Variants in INTS7 observed in about 807,000 individuals in gnomAD.
INTS7 encodes integrator complex subunit 7.
Under a neutral mutation model 109.2 loss-of-function variants are expected in INTS7, and 46 were observed. The observed-to-expected ratio is 0.42, with a 90% CI of 0.33 to 0.54. INTS7 has a LOEUF of 0.54. Ranked by LOEUF, INTS7 falls within the 20% of genes least tolerant of loss-of-function variation. The pLI, the probability that INTS7 is intolerant of heterozygous loss-of-function variation, is 0.07. For missense variants in INTS7, 929 were observed against 1,132.4 expected, an observed-to-expected ratio of 0.82 and a Z score of 2.58; for synonymous variants, 412 against 402.9, an observed-to-expected ratio of 1.02 and a Z score of -0.27.
intron 4 of INTS7, among the ~76,000 whole-genome samples, chr1:212,013,430 A>G (rs936518741): frequency 3.3e-5 from 5 of 152,240 alleles, no homozygotes; most frequent in Admixed American, 2.0e-4. Flanking sequence ...AAGAGTCAAA[A>G]AGTTAAAAGA....
At chr1:212,024,760 CAT>C (rs1666848752) in intron 1 of INTS7, among the ~76,000 whole-genome samples, 1 of 152,194 alleles carries the variant, frequency 6.6e-6, no homozygotes, top group African/African-American at 2.4e-5. Context: ...ATTACAAACA[CAT>C]AGTCTGCTAT....
At chr1:211,968,195 T>G (rs897644414) in intron 14 of INTS7, among the ~76,000 whole-genome samples, 2 of 152,024 alleles carry the variant, frequency 1.3e-5, no homozygotes, top group African/African-American at 2.4e-5. Flanking sequence ...TTATTATATA[T>G]GACATATAGA....
At chr1:212,026,295 C>G (rs1199331109) in intron 1 of INTS7, among the ~76,000 whole-genome samples, 4 of 152,162 alleles carry the variant, frequency 2.6e-5, no homozygotes, top group Admixed American at 2.0e-4. Flanking sequence ...GTTAGTTATT[C>G]AGTACTTAGA....
At chr1:212,019,395 A>G (rs1246638505) in intron 3 of INTS7, among the ~76,000 whole-genome samples, 2 of 152,226 alleles carry the variant, frequency 1.3e-5, no homozygotes, top group Non-Finnish European at 2.9e-5. Flanking sequence ...TAAATTCTGA[A>G]CAAGAAGGAA....
chr1:211,948,920 T>C (rs2102383183), intron 17 of INTS7, among the ~76,000 whole-genome samples: 1 of 152,362 alleles, frequency 6.6e-6, no homozygotes, highest in Non-Finnish European at 1.5e-5. Context: ...TTGGTCAGGC[T>C]GATCTCAAAC....
intron 1 of INTS7, chr1:212,031,076 A>C (rs1186272264): frequency 6.6e-6 from 1 of 152,208 alleles, no homozygotes; most frequent in Non-Finnish European, 1.5e-5. Flanking sequence ...CTAGTAACAA[A>C]TCTATCCTCT....
chr1:211,964,077 A>C (rs1461618140), intron 16 of INTS7, among the ~76,000 whole-genome samples: 1 of 152,118 alleles, frequency 6.6e-6, no homozygotes, highest in African/African-American at 2.4e-5. Flanking sequence ...ACATGATACT[A>C]TATCTAGGAA....
intron 4 of INTS7, among the ~76,000 whole-genome samples, chr1:212,015,018 C>A (rs577035198): frequency 6.6e-6 from 1 of 151,612 alleles, no homozygotes; most frequent in East Asian, 2.0e-4. Flanking sequence ...AGGAGCCCTT[C>A]CGCCTGGCAG....
intron 19 of INTS7, among the ~76,000 whole-genome samples, chr1:211,943,998 C>T (rs1662740852): frequency 6.6e-6 from 1 of 152,200 alleles, no homozygotes; most frequent in Non-Finnish European, 1.5e-5. Context: ...CATCTTAGCT[C>T]TGGCTAACAA....
At position 211,944,882 on chromosome 1, in the gene INTS7, C is replaced by T; in HGVS notation, c.2503G>A (p.Val835Ile). ...AGTCCTGGTTTAGATCCGTGCTGAACCACTCCCTCTACCTTTAGCGCCAGC... is the reference window on the plus strand; with the variant it reads ...AGTCCTGGTTTAGATCCGTGCTGAATCACTCCCTCTACCTTTAGCGCCAGC... Reference protein sequence around the residue: ...QQLALKVEGVVQHGSKPGLFR... With the variant: ...QQLALKVEGVIQHGSKPGLFR... The change falls in exon 19 of 20, where the codon GTT (valine) becomes ATT (isoleucine). Residue 835 changes from valine (V) to isoleucine (I), a missense_variant. This residue lies in a region of INTS7 where 787 missense variants were observed against 901.1 expected (regional missense o/e 0.87). Coordinates refer to ENST00000366994, the MANE Select transcript of INTS7 (RefSeq NM_015434.4). 6.2e-7 allele frequency: 1 copy of T among 1,614,132 alleles called. No individual in the cohort carries two copies. Among genetic ancestry groups the T allele is most frequent in the South Asian group, 1.1e-5 (1 of 91,082 alleles).
chr1:211,968,988 C>G (rs900881943), intron 13 of INTS7, among the ~76,000 whole-genome samples: 1 of 152,074 alleles, frequency 6.6e-6, no homozygotes, highest in Non-Finnish European at 1.5e-5. Context: ...AGAACATCAT[C>G]AAGAAGATAA....
intron 16 of INTS7, among the ~76,000 whole-genome samples, chr1:211,954,752 C>G (rs1170728258): frequency 6.6e-6 from 1 of 152,182 alleles, no homozygotes; most frequent in Non-Finnish European, 1.5e-5. Flanking sequence ...TTCCATTGAT[C>G]TACATCTCTG....
chr1:211,969,461 T>C (rs1263585917), intron 13 of INTS7, among the ~76,000 whole-genome samples: 1 of 151,462 alleles, frequency 6.6e-6, no homozygotes, highest in Non-Finnish European at 1.5e-5. Context: ...AATATGTTTC[T>C]AGACAGTCAC....
chr1:211,995,729 G>A (rs1436685118), intron 7 of INTS7, among the ~76,000 whole-genome samples: 1 of 152,176 alleles, frequency 6.6e-6, no homozygotes, highest in African/African-American at 2.4e-5. Flanking sequence ...AGGAGGTGGG[G>A]ACTTTGAGAG....
chr1:212,034,852 A>G (rs1667351011), intron 1 of INTS7, among the ~76,000 whole-genome samples: 1 of 152,202 alleles, frequency 6.6e-6, no homozygotes, highest in Non-Finnish European at 1.5e-5. Flanking sequence ...GCAGAGAATG[A>G]GCAGGGCCCT....
chr1:211,969,056 G>A (rs149940952), intron 13 of INTS7, among the ~76,000 whole-genome samples: 6 of 152,134 alleles, frequency 3.9e-5, no homozygotes, highest in Middle Eastern at 6.8e-3. Flanking sequence ...AGGTCGAGGC[G>A]GGTGGATCAC....
intron 8 of INTS7, among the ~76,000 whole-genome samples, chr1:211,985,016 T>C (rs1217466780): frequency 6.6e-6 from 1 of 152,216 alleles, no homozygotes; most frequent in Non-Finnish European, 1.5e-5. Context: ...TAATCTTGTA[T>C]ATATGCCATT....
At chr1:212,015,200 G>A (rs1666367834) in intron 4 of INTS7, among the ~76,000 whole-genome samples, 3 of 152,314 alleles carry the variant, frequency 2.0e-5, no homozygotes, top group South Asian at 4.1e-4. Flanking sequence ...CACCCCGTCT[G>A]GGAGGTGTAC....
intron 13 of INTS7, among the ~76,000 whole-genome samples, chr1:211,969,659 T>A (rs1347831482): frequency 6.7e-6 from 1 of 149,742 alleles, no homozygotes; most frequent in Admixed American, 6.7e-5. Flanking sequence ...GGGCTCAAAT[T>A]ATCCCCCCAC....
Sources: gnomAD v4.1 joint callset for allele counts (sites outside exome capture counted in the v4.1 genomes callset) on GRCh38, gnomAD v4.1.1 for gene constraint, gnomAD v4.1.1 regional missense constraint, MANE v1.5 for transcripts, NCBI Gene and HGNC (gene_info 2026-07-23, HGNC 2026-07-21) for gene names.